The following RAB31 variants were observed in gnomAD, a reference collection of about 807,000 sequenced individuals.
The protein encoded by RAB31 is ras-related protein Rab-31.
A neutral mutation model predicts 25.6 loss-of-function variants in RAB31; 21 were observed. That is an observed-to-expected ratio of 0.82 (90% CI 0.58 to 1.18). The LOEUF is 1.18. Ranked by LOEUF, RAB31 falls within the 50% of genes most tolerant of loss-of-function variation. The probability of loss-of-function intolerance (pLI) is 0.00; values close to 1 mark genes in which losing one functional copy is unlikely to be tolerated. For synonymous variants in RAB31, 87 were observed against 84.0 expected, an observed-to-expected ratio of 1.04 and a Z score of -0.20; for missense variants, 196 against 250.1, an observed-to-expected ratio of 0.78 and a Z score of 1.46.
intron 2 of RAB31, among the ~76,000 whole-genome samples, chr18:9,789,404 A>T (rs2068449005): frequency 6.6e-6 from 1 of 152,250 alleles, no homozygotes; most frequent in Admixed American, 6.5e-5. Context: ...AACACCAAGA[A>T]ATGATAAATG....
Position 9,708,556 on chromosome 18 carries a change from T to C in RAB31, c.39+112T>C. ...GTGATCCCCTCGCTCTCCGCACCCC[T>C]CTCGTAGCCCCCGTCCCCCTCGTCC... is the stretch of plus-strand genomic sequence containing the variant. On this transcript the variant is annotated intron_variant, in intron 1 of 6. Coordinates refer to ENST00000578921, the MANE Select transcript of RAB31 (RefSeq NM_006868.4). This position sits in a 1 kb window ranked among gnomAD's most constrained non-coding sequence, Gnocchi z 6.4. 1.1e-6 allele frequency: 1 copy of C among 900,030 alleles called. No homozygotes were observed. Among genetic ancestry groups the C allele is most frequent in the Non-Finnish European group, 1.5e-6 (1 of 658,620 alleles). 55.8% of individuals were successfully genotyped at this position (900,030 alleles called of 1,614,324 possible). A position where few individuals can be genotyped will look rare whatever the true frequency, so the allele number is the denominator to read the frequency against.
chr18:9,713,656 GC>G (rs1202119137), intron 1 of RAB31, among the ~76,000 whole-genome samples: 4 of 152,152 alleles, frequency 2.6e-5, no homozygotes, highest in African/African-American at 9.7e-5. Flanking sequence ...GCATTTTCAA[GC>G]TTCTCATGGT....
At chr18:9,751,195 G>A (rs1053673397) in intron 1 of RAB31, among the ~76,000 whole-genome samples, 2 of 151,892 alleles carry the variant, frequency 1.3e-5, no homozygotes, top group East Asian at 1.9e-4. Flanking sequence ...CACCATGCCC[G>A]TCTAATTTAT....
At chr18:9,740,827 C>T (rs1302114476) in intron 1 of RAB31, among the ~76,000 whole-genome samples, 2 of 152,160 alleles carry the variant, frequency 1.3e-5, no homozygotes, top group African/African-American at 2.4e-5. Flanking sequence ...AACAGAAAAA[C>T]AGGTTTTCTT....
intron 2 of RAB31, chr18:9,786,721 A>G (rs1011468777): frequency 3.3e-5 from 5 of 151,980 alleles, no homozygotes; most frequent in Admixed American, 1.3e-4. Flanking sequence ...CTAGAGAGTT[A>G]TCTCCTACAC....
chr18:9,828,528 A>G (rs1435268924), intron 5 of RAB31, among the ~76,000 whole-genome samples: 1 of 152,222 alleles, frequency 6.6e-6, no homozygotes, highest in Non-Finnish European at 1.5e-5. Flanking sequence ...TACACGGTCA[A>G]GTTAGAAACA....
chr18:9,794,955 C>A (rs1245724949), intron 3 of RAB31, among the ~76,000 whole-genome samples: 1 of 152,014 alleles, frequency 6.6e-6, no homozygotes, highest in Non-Finnish European at 1.5e-5. Flanking sequence ...GCAAAAAGAA[C>A]AAATCTGGAG....
chr18:9,769,788 T>A (rs939974570), intron 1 of RAB31, among the ~76,000 whole-genome samples: 3 of 152,216 alleles, frequency 2.0e-5, no homozygotes, highest in Admixed American at 6.5e-5. Flanking sequence ...GCTTCCAGCT[T>A]TTGCCCATTC....
chr18:9,774,569 G>A (rs1221097792), intron 1 of RAB31, among the ~76,000 whole-genome samples: 2 of 152,128 alleles, frequency 1.3e-5, no homozygotes, highest in Non-Finnish European at 2.9e-5. Context: ...CTTGTCTGGT[G>A]TTGTCTCTTC....
At chr18:9,736,928 A>G (rs2068153912) in intron 1 of RAB31, among the ~76,000 whole-genome samples, 1 of 152,218 alleles carries the variant, frequency 6.6e-6, no homozygotes, top group African/African-American at 2.4e-5. Context: ...TGGTAGGGGC[A>G]AGGACTCGTT....
At chr18:9,728,698 T>G (rs919404811) in intron 1 of RAB31, among the ~76,000 whole-genome samples, 1 of 151,978 alleles carries the variant, frequency 6.6e-6, no homozygotes, top group African/African-American at 2.4e-5. Flanking sequence ...CCACCACACC[T>G]GGCTAATTTT....
intron 5 of RAB31, among the ~76,000 whole-genome samples, chr18:9,827,296 T>C (rs2267559): frequency 0.043 from 6,519 of 152,052 alleles, 192 homozygotes; most frequent in African/African-American, 0.09. Context: ...GATCAGGAAG[T>C]GCCGATGGGA....
rs371680763 is a variant in RAB31, at chr18:9,856,711, T to C, written c.491-2517T>C. ...GGGCAACAGCTGTACCCATGAGAAT[T>C]ATAGTACTGTCCAAAAATATTTCAG... On this transcript the variant is annotated intron_variant, in intron 6 of 6. Coordinates refer to ENST00000578921, the MANE Select transcript of RAB31 (RefSeq NM_006868.4). 1.2e-4 allele frequency among the ~76,000 whole-genome samples: 19 copies of C among 152,276 alleles called. No individual in the cohort carries two copies. The South Asian group carries it at 3.7e-3, about 30-fold the overall frequency.
intron 3 of RAB31, among the ~76,000 whole-genome samples, chr18:9,813,541 G>A (rs1280071126): frequency 3.3e-5 from 5 of 152,140 alleles, no homozygotes; most frequent in Non-Finnish European, 5.9e-5. Context: ...TGATGAGGAG[G>A]AAGATTTATT....
intron 3 of RAB31, among the ~76,000 whole-genome samples, chr18:9,799,720 G>A (rs1174752974): frequency 6.6e-6 from 1 of 152,140 alleles, no homozygotes; most frequent in Non-Finnish European, 1.5e-5. Context: ...TGTGTGTCAT[G>A]GGCATCCTAT....
At chr18:9,789,876 G>C (rs905153774) in intron 2 of RAB31, among the ~76,000 whole-genome samples, 2 of 152,160 alleles carry the variant, frequency 1.3e-5, no homozygotes, top group African/African-American at 4.8e-5. Flanking sequence ...TGCAATTGTA[G>C]GTTGGTAATT....
At chr18:9,841,408 A>G (rs951490916) in intron 5 of RAB31, among the ~76,000 whole-genome samples, 13 of 151,820 alleles carry the variant, frequency 8.6e-5, no homozygotes, top group Non-Finnish European at 1.8e-4. Context: ...GCGTGGTGGC[A>G]GGCGCCTGTA....
chr18:9,794,829 C>CA (rs952337117), intron 3 of RAB31, among the ~76,000 whole-genome samples: 2 of 151,142 alleles, frequency 1.3e-5, no homozygotes, highest in South Asian at 2.1e-4. Context: ...AAACAAAAAA[C>CA]AAAAAAACAA....
intron 6 of RAB31, among the ~76,000 whole-genome samples, chr18:9,858,509 A>C (rs1408779448): frequency 2.0e-5 from 3 of 152,212 alleles, no homozygotes; most frequent in Non-Finnish European, 2.9e-5. Flanking sequence ...CTCATAAAGA[A>C]ACCCATACCC....
Sources: allele counts gnomAD v4.1 joint callset (sites outside exome capture counted in the v4.1 genomes callset), GRCh38; gene constraint gnomAD v4.1.1; non-coding constraint Gnocchi (gnomAD v3.1); transcripts MANE v1.5; gene names NCBI Gene and HGNC (gene_info 2026-07-23, HGNC 2026-07-21).